COL24A1: variants seen among roughly 807,000 people sequenced by gnomAD.
The protein encoded by COL24A1 is collagen alpha-1(XXIV) chain.
A neutral mutation model predicts 253.9 loss-of-function variants in COL24A1; 224 were observed. The ratio of observed to expected loss-of-function variants is 0.88; its 90% CI spans 0.79 to 0.99. The LOEUF (loss-of-function observed/expected upper bound fraction) is 0.99, where lower values mean the gene tolerates loss of function less well. Among genes scored for constraint, COL24A1 ranks in the 50% least tolerant of loss-of-function variants. The pLI is 0.00. For synonymous variants in COL24A1, 685 were observed against 673.7 expected, an observed-to-expected ratio of 1.02 and a Z score of -0.26; for missense variants, 2,131 against 2,068.5, an observed-to-expected ratio of 1.03 and a Z score of -0.59.
rs961353952 is a variant in COL24A1 at position 85,923,801 on chromosome 1, G to T, written c.2563-12368C>A. The stretch of plus-strand genomic sequence containing the variant: ...CAAACAAATTCAAAAGCTAGCAGAA[G>T]GCAAGACATAACTAATATCAGAGCA... On this transcript the variant is annotated intron_variant, in intron 24 of 59. Transcript: ENST00000370571. 4.6e-5 allele frequency among the ~76,000 whole-genome samples: 7 copies of T among 151,996 alleles called. No homozygotes were observed. The East Asian group carries it at 1.3e-3, about 29-fold the overall frequency.
At chr1:86,016,324 C>A (rs1696987535) in intron 19 of COL24A1, among the ~76,000 whole-genome samples, 1 of 152,206 alleles carries the variant, frequency 6.6e-6, no homozygotes, top group Non-Finnish European at 1.5e-5. Flanking sequence ...AGCATCAGTA[C>A]AGCAGTAGTC....
At chr1:85,901,424 G>A (rs1310413082) in intron 28 of COL24A1, among the ~76,000 whole-genome samples, 1 of 152,084 alleles carries the variant, frequency 6.6e-6, no homozygotes, top group African/African-American at 2.4e-5. Context: ...AGGATGCACA[G>A]CAAAGGGAAC....
At chr1:86,008,671 G>C (rs1417235164) in intron 19 of COL24A1, among the ~76,000 whole-genome samples, 3 of 151,962 alleles carry the variant, frequency 2.0e-5, no homozygotes, top group African/African-American at 7.3e-5. Flanking sequence ...TAACTTAAAG[G>C]TTTAAGAAGT....
intron 19 of COL24A1, among the ~76,000 whole-genome samples, chr1:85,998,508 G>A (rs1410460562): frequency 6.6e-6 from 1 of 152,142 alleles, no homozygotes; most frequent in Non-Finnish European, 1.5e-5. Flanking sequence ...GCTCATGCAG[G>A]AAAAGGAATG....
intron 12 of COL24A1, 109 bp downstream of exon 12, chr1:86,046,716 T>C (rs1354502909): frequency 7.8e-7 from 1 of 1,289,498 alleles, no homozygotes; most frequent in Non-Finnish European, 1.1e-6. Flanking sequence ...ATGGAATGAT[T>C]ATAAACAACA....
chr1:85,828,946 GT>G (rs1674787231), intron 43 of COL24A1, among the ~76,000 whole-genome samples: 1 of 151,216 alleles, frequency 6.6e-6, no homozygotes, highest in African/African-American at 2.4e-5. Context: ...ATTGTTATGT[GT>G]GAATTTGATC....
At chr1:85,806,880 T>A (rs1672031722) in intron 47 of COL24A1, among the ~76,000 whole-genome samples, 1 of 152,246 alleles carries the variant, frequency 6.6e-6, no homozygotes, top group African/African-American at 2.4e-5. Context: ...AAGTCCCCTG[T>A]AGTCACAAGG....
intron 19 of COL24A1, among the ~76,000 whole-genome samples, chr1:85,997,904 G>A (rs1430983662): frequency 6.6e-6 from 1 of 152,154 alleles, no homozygotes; most frequent in African/African-American, 2.4e-5. Flanking sequence ...GAAGCCTAGA[G>A]TTGCCAATGA....
At chr1:86,097,095 T>A (rs1044345212) in intron 5 of COL24A1, among the ~76,000 whole-genome samples, 1 of 152,160 alleles carries the variant, frequency 6.6e-6, no homozygotes, top group Non-Finnish European at 1.5e-5. Flanking sequence ...AATTTCTATA[T>A]ACCCAGGATA....
intron 32 of COL24A1, among the ~76,000 whole-genome samples, chr1:85,887,458 C>T (rs1682644037): frequency 6.6e-6 from 1 of 151,450 alleles, no homozygotes; most frequent in Non-Finnish European, 1.5e-5. Flanking sequence ...TTAAAATCTA[C>T]ATCAGGGGTC....
At chr1:86,003,634 GA>G (rs1167650313) in intron 19 of COL24A1, among the ~76,000 whole-genome samples, 1 of 152,124 alleles carries the variant, frequency 6.6e-6, no homozygotes, top group East Asian at 1.9e-4. Context: ...CAACAGAGAA[GA>G]AAAAAGTCAT....
At chr1:86,008,258 C>CT (rs1011266061) in intron 19 of COL24A1, among the ~76,000 whole-genome samples, 3 of 151,874 alleles carry the variant, frequency 2.0e-5, no homozygotes, top group Non-Finnish European at 2.9e-5. Context: ...ATATTTCTTT[C>CT]TTTTTTTTCA....
chr1:85,737,393 T>C lies in COL24A1; in HGVS notation c.4782+3A>G, dbSNP rs958878601. On this transcript the variant is annotated splice_donor_region_variant and intron_variant, in intron 58 of 59. Transcript: ENST00000370571. The stretch of plus-strand genomic sequence containing the variant: ...ACATGTGTTCTAAAATTCAGTAACA[T>C]ACCTTTGTTACAGAAACAGGAGGTA... 1.9e-6 allele frequency: 3 copies of C among 1,597,964 alleles called. No homozygotes were observed. The highest frequency in any genetic ancestry group is 1.3e-5 in the African/African-American group (1 of 74,516).
intron 37 of COL24A1, among the ~76,000 whole-genome samples, chr1:85,867,015 G>C (rs907691941): frequency 6.6e-6 from 1 of 152,110 alleles, no homozygotes; most frequent in African/African-American, 2.4e-5. Flanking sequence ...TTATTTGGGG[G>C]TAGATGTGTT....
At chr1:85,854,432 T>A (rs1361766953) in intron 37 of COL24A1, among the ~76,000 whole-genome samples, 1 of 152,228 alleles carries the variant, frequency 6.6e-6, no homozygotes, top group Non-Finnish European at 1.5e-5. Context: ...TGCTTAGGAT[T>A]ACTTTGGCTA....
At chr1:85,848,066 C>A (rs1238718890) in intron 38 of COL24A1, among the ~76,000 whole-genome samples, 2 of 152,066 alleles carry the variant, frequency 1.3e-5, no homozygotes, top group Non-Finnish European at 2.9e-5. Context: ...TGTAAGTATG[C>A]ATGTATGTGT....
intron 47 of COL24A1, among the ~76,000 whole-genome samples, chr1:85,810,581 G>A (rs1195851007): frequency 6.6e-6 from 1 of 152,108 alleles, no homozygotes; most frequent in East Asian, 1.9e-4. Flanking sequence ...GCAGGAGGTG[G>A]GGGCTGGGGG....
chr1:85,860,325 C>G (rs891407291), intron 37 of COL24A1, among the ~76,000 whole-genome samples: 1 of 152,088 alleles, frequency 6.6e-6, no homozygotes, highest in Admixed American at 6.5e-5. Context: ...CGTCACTTCC[C>G]CCCAAAATCT....
rs12746560 is a variant in COL24A1 at position 85,945,002 on chromosome 1, G to A, written c.2562+16247C>T. 5.4e-4 allele frequency among the ~76,000 whole-genome samples: 19 copies of A among 35,366 alleles called. No individual in the cohort carries two copies. The South Asian group carries it at 9.7e-3, about 18-fold the overall frequency. The allele number at this position is 35,366 out of a possible 152,430, so 23.2% of individuals were successfully genotyped here. A position where few individuals can be genotyped will look rare whatever the true frequency, so the allele number is the denominator to read the frequency against. On this transcript the variant is annotated intron_variant, in intron 24 of 59. Coordinates refer to ENST00000370571, the MANE Select transcript of COL24A1 (RefSeq NM_152890.7). ...TTTTCTTAATCCAGTCTATCATTGT[G>A]TTTTTTTTTTTTTTTTTTTTTTTTT...
Sources: allele counts gnomAD v4.1 joint callset (sites outside exome capture counted in the v4.1 genomes callset), GRCh38; gene constraint gnomAD v4.1.1; transcripts MANE v1.5; gene names NCBI Gene and HGNC (gene_info 2026-07-23, HGNC 2026-07-21).